Variants in PPARGC1A observed in about 807,000 individuals in gnomAD.
PPARGC1A encodes the protein peroxisome proliferator-activated receptor gamma coactivator 1-alpha.
A neutral mutation model predicts 88.7 loss-of-function variants in PPARGC1A; 25 were observed. The observed-to-expected ratio is 0.28, with a 90% confidence interval of 0.21 to 0.39. The LOEUF is 0.39. PPARGC1A is among the 10% of genes least tolerant of loss of function. The pLI is 1.00. For missense variants in PPARGC1A, 880 were observed against 968.7 expected, an observed-to-expected ratio of 0.91 and a Z score of 1.22; for synonymous variants, 363 against 355.6, an observed-to-expected ratio of 1.02 and a Z score of -0.24.
chr4:23,939,865 C>G, the PPARGC1A span, among the ~76,000 whole-genome samples: 91 of 152,294 alleles, frequency 6.0e-4, no homozygotes, highest in African/African-American at 2.1e-3. Flanking sequence ...ATAAGAACCT[C>G]AGCATCTGGT....
At chr4:23,820,663 T>C (rs993718904) in intron 7 of PPARGC1A, 2 of 437,670 alleles carry the variant, frequency 4.6e-6, no homozygotes, top group Non-Finnish European at 9.2e-6. Context: ...AGTTTTTTTA[T>C]CAGCCAAAAT....
At chr4:24,145,372 G>A in the PPARGC1A span, among the ~76,000 whole-genome samples, 1 of 152,120 alleles carries the variant, frequency 6.6e-6, no homozygotes, top group Non-Finnish European at 1.5e-5. Flanking sequence ...GACCATTGCT[G>A]CCAACAGATA....
the PPARGC1A span, among the ~76,000 whole-genome samples, chr4:24,308,659 G>C: frequency 2.6e-5 from 4 of 152,260 alleles, no homozygotes; most frequent in African/African-American, 9.6e-5. Flanking sequence ...TCAAGTGTGA[G>C]GGTGAGAGGA....
chr4:24,065,593 C>T, the PPARGC1A span, among the ~76,000 whole-genome samples: 2 of 152,126 alleles, frequency 1.3e-5, no homozygotes, highest in Non-Finnish European at 2.9e-5. Context: ...GAATGGCCCT[C>T]TGTCTGCAGA....
At chr4:24,267,333 G>A in the PPARGC1A span, among the ~76,000 whole-genome samples, 5 of 152,150 alleles carry the variant, frequency 3.3e-5, no homozygotes, top group Non-Finnish European at 5.9e-5. Context: ...AGAATAAAAG[G>A]CGTAAGCCCC....
chr4:23,989,160 A>G, the PPARGC1A span, among the ~76,000 whole-genome samples: 2 of 151,840 alleles, frequency 1.3e-5, no homozygotes, highest in African/African-American at 4.8e-5. Flanking sequence ...CCATCATTAC[A>G]AGATCTAATA....
chr4:24,439,642 G>A, the PPARGC1A span, among the ~76,000 whole-genome samples: 17 of 152,316 alleles, frequency 1.1e-4, no homozygotes, highest in South Asian at 1.2e-3. Context: ...ATTTCCAGAA[G>A]AAACGGGAAG....
the PPARGC1A span, among the ~76,000 whole-genome samples, chr4:24,147,163 A>G: frequency 2.0e-5 from 3 of 152,138 alleles, no homozygotes; most frequent in Non-Finnish European, 4.4e-5. Context: ...CACTGGCCTT[A>G]TTCTAACCCA....
the PPARGC1A span, among the ~76,000 whole-genome samples, chr4:24,009,150 A>AAAAAG: frequency 1.8e-3 from 142 of 79,806 alleles, 3 homozygotes; most frequent in South Asian, 0.024. Context: ...AAAAAAAAAA[A>AAAAAG]AGAGAGAGAA....
At chr4:24,437,416 G>A in the PPARGC1A span, among the ~76,000 whole-genome samples, 1 of 152,148 alleles carries the variant, frequency 6.6e-6, no homozygotes, top group African/African-American at 2.4e-5. Context: ...TGAGGGAACG[G>A]GGGGTCCTAG....
chr4:24,229,409 A>G, the PPARGC1A span, among the ~76,000 whole-genome samples: 1 of 148,102 alleles, frequency 6.8e-6, no homozygotes, highest in African/African-American at 2.5e-5. Context: ...TCGGCCTCCC[A>G]AAGTGCTGGG....
the PPARGC1A span, among the ~76,000 whole-genome samples, chr4:23,910,271 T>C: frequency 6.2e-5 from 5 of 80,280 alleles, no homozygotes; most frequent in Admixed American, 7.4e-4. Context: ...TATTAATATA[T>C]ATTAACCCTA....
the PPARGC1A span, among the ~76,000 whole-genome samples, chr4:24,073,921 G>A: frequency 2.6e-5 from 4 of 152,086 alleles, no homozygotes; most frequent in Admixed American, 2.0e-4. Flanking sequence ...GAACTGTGAT[G>A]TCTCTGGACT....
the PPARGC1A span, among the ~76,000 whole-genome samples, chr4:24,289,985 A>C: frequency 6.6e-6 from 1 of 152,196 alleles, no homozygotes; most frequent in Admixed American, 6.5e-5. Flanking sequence ...GTCACATCTT[A>C]CATGGTAGCA....
At chr4:24,272,435 A>T in the PPARGC1A span, among the ~76,000 whole-genome samples, 1 of 152,062 alleles carries the variant, frequency 6.6e-6, no homozygotes, top group Admixed American at 6.6e-5. Flanking sequence ...TGAAATTCCC[A>T]ACTCCACCCA....
the PPARGC1A span, among the ~76,000 whole-genome samples, chr4:24,381,226 T>G: frequency 6.6e-6 from 1 of 152,122 alleles, no homozygotes; most frequent in Non-Finnish European, 1.5e-5. Flanking sequence ...AATGTGTCAT[T>G]TAGGCTTCAC....
chr4:24,339,938 C>T, the PPARGC1A span, among the ~76,000 whole-genome samples: 9 of 152,050 alleles, frequency 5.9e-5, no homozygotes, highest in African/African-American at 2.2e-4. Flanking sequence ...AGGGTTTCAC[C>T]GTGTTAGCCA....
At chr4:24,355,622 A>G in the PPARGC1A span, among the ~76,000 whole-genome samples, 1,842 of 152,250 alleles carry the variant, frequency 0.012, 17 homozygotes, top group Admixed American at 0.023. Context: ...GAGACACTTC[A>G]TTGTTGTTAT....
At chr4:24,085,555 T>C in the PPARGC1A span, among the ~76,000 whole-genome samples, 2 of 152,194 alleles carry the variant, frequency 1.3e-5, no homozygotes, top group African/African-American at 2.4e-5. Flanking sequence ...CACCTTACCA[T>C]GTACTGCCTC....
Sources: allele counts gnomAD v4.1 joint callset (sites outside exome capture counted in the v4.1 genomes callset), GRCh38; gene constraint gnomAD v4.1.1; transcripts MANE v1.5; gene names NCBI Gene and HGNC (gene_info 2026-07-23, HGNC 2026-07-21).